Variants in TNS1 observed in about 807,000 individuals in gnomAD.
TNS1 encodes tensin-1.
TNS1 carries 62 observed loss-of-function variants against 168.6 expected under a neutral mutation model. The ratio of observed to expected loss-of-function variants is 0.37; its 90% CI spans 0.30 to 0.45. TNS1 has a LOEUF of 0.45. TNS1 is among the 20% of genes least tolerant of loss of function. The probability of loss-of-function intolerance (pLI) is 1.00; values close to 1 mark genes in which losing one functional copy is unlikely to be tolerated. For synonymous variants in TNS1, 934 were observed against 933.2 expected (o/e 1.00, Z -0.02); for missense variants, 2,240 against 2,339.4 (o/e 0.96, Z 0.88).
In TNS1 at chr2:217,803,056, A is replaced by T. The variant is rs1214463815; in HGVS notation, c.*1403T>A. On this transcript the variant is annotated 3_prime_UTR_variant, in exon 33 of 33. Transcript: ENST00000682258. ...TGGGCAGCGTGGCTCAGCTAGGGAAACCAAGGCAGAAAGGGTGACAGTGAG... is the reference window on the plus strand; with the variant it reads ...TGGGCAGCGTGGCTCAGCTAGGGAATCCAAGGCAGAAAGGGTGACAGTGAG... The T allele has an allele frequency of 6.6e-6, 1 of 152,572 alleles. No individual in the cohort carries two copies. The highest frequency in any genetic ancestry group is 2.4e-5 in the African/African-American group (1 of 41,458). The allele number at this position is 152,572 out of a possible 1,614,324, so 9.5% of individuals were successfully genotyped here.
At chr2:217,898,865 A>G (rs1239088878) in intron 7 of TNS1, among the ~76,000 whole-genome samples, 1 of 152,106 alleles carries the variant, frequency 6.6e-6, no homozygotes, top group East Asian at 1.9e-4. Context: ...AGGGTCCAGG[A>G]TGCCCACTTG....
intron 18 of TNS1, among the ~76,000 whole-genome samples, chr2:217,864,569 GA>G (rs1949088856): frequency 6.6e-6 from 1 of 152,114 alleles, no homozygotes; most frequent in Admixed American, 6.5e-5. Context: ...GATCCAACAA[GA>G]AAAAAGGAGT....
At position 217,818,341 on chromosome 2, in the gene TNS1, C is replaced by T; in HGVS notation, c.3991G>A (p.Gly1331Ser). 1 of 1,614,152 alleles carries T rather than the reference C, an allele frequency of 6.2e-7. No homozygotes were observed. Among genetic ancestry groups the T allele is most frequent in the South Asian group, 1.1e-5 (1 of 91,080 alleles). The change falls in exon 24 of 33, where the codon GGT becomes AGT. Residue 1331 changes from glycine to serine, a missense_variant. By Grantham distance (56) the Gly-to-Ser change is moderately conservative (BLOSUM62 0). Coordinates refer to ENST00000682258, the MANE Select transcript of TNS1 (RefSeq NM_001387777.1). ...MMGPPGTGFH[G>S]STVSSPQSSA... ...CTCTGGGGGCTGGAGACAGTGCTAC[C>T]ATGGAAGCCAGTGCCTGGTGGACCC...
At chr2:218,008,373 C>G (rs749325263) in intron 1 of TNS1, among the ~76,000 whole-genome samples, 1 of 152,176 alleles carries the variant, frequency 6.6e-6, no homozygotes, top group Non-Finnish European at 1.5e-5. Flanking sequence ...GAAGTGGTTC[C>G]GTCATCCTCT....
rs189257954 is a variant in TNS1 at position 217,801,733 on chromosome 2, C to T, written c.*2726G>A. 1.5e-4 allele frequency: 23 copies of T among 152,388 alleles called. No homozygotes were observed. The East Asian group carries it at 2.7e-3, about 18-fold the overall frequency. 9.4% of individuals were successfully genotyped at this position (152,388 alleles called of 1,614,324 possible). A position where few individuals can be genotyped will look rare whatever the true frequency, so the allele number is the denominator to read the frequency against. ...GTGTGTGCATGGGTGCACAGCCCGC[C>T]GTGACACAGAAGGGCTCTGGTGCAG... is the stretch of plus-strand genomic sequence containing the variant. On this transcript the variant is annotated 3_prime_UTR_variant, in exon 33 of 33. Coordinates refer to ENST00000682258, the MANE Select transcript of TNS1 (RefSeq NM_001387777.1).
chr2:217,841,526 T>C (rs1299969087), intron 19 of TNS1, among the ~76,000 whole-genome samples: 4 of 151,994 alleles, frequency 2.6e-5, no homozygotes, highest in Admixed American at 2.0e-4. Context: ...GTGGGGAAGG[T>C]ATCAGACAGG....
At chr2:218,028,144 CCT>C (rs1435603414) in intron 1 of TNS1, among the ~76,000 whole-genome samples, 4 of 152,340 alleles carry the variant, frequency 2.6e-5, no homozygotes, top group South Asian at 4.1e-4. Context: ...GCTCTTCAAA[CCT>C]CAAAAAGTCC....
intron 17 of TNS1, 196 bp downstream of exon 17, chr2:217,882,144 TTTTTTA>T: frequency 2.0e-6 from 1 of 505,856 alleles, no homozygotes; most frequent in Non-Finnish European, 3.5e-6. Flanking sequence ...CTCTGTCTGC[TTTTTTA>T]TTTTTATTAT....
intron 18 of TNS1, among the ~76,000 whole-genome samples, chr2:217,854,956 G>T: frequency 6.6e-6 from 1 of 152,320 alleles, no homozygotes; most frequent in African/African-American, 2.4e-5. Flanking sequence ...TACCCACTCA[G>T]AGCCCGGCCT....
At chr2:217,998,219 G>GTCTCTCTCTCTCTCTCTCTC (rs1173660793) in intron 1 of TNS1, among the ~76,000 whole-genome samples, 43 of 97,064 alleles carry the variant, frequency 4.4e-4, no homozygotes, top group African/African-American at 1.8e-3. Context: ...CTCTCCATCA[G>GTCTCTCTCTCTCTCTCTCTC]TGTCTCTCTC....
At chr2:218,005,632 G>A (rs184869274), upstream of TNS1, among the ~76,000 whole-genome samples, 5 of 152,284 alleles carry the variant, frequency 3.3e-5, no homozygotes, top group East Asian at 5.8e-4. Flanking sequence ...ACCCACACAC[G>A]GGCAAGGACG....
chr2:217,925,456 C>T (rs978048211), intron 3 of TNS1, among the ~76,000 whole-genome samples: 4 of 152,110 alleles, frequency 2.6e-5, no homozygotes, highest in African/African-American at 9.7e-5. Flanking sequence ...CCTAAGCTTG[C>T]CCAGCCCTCC....
chr2:218,020,848 T>A (rs567263577), intron 1 of TNS1, among the ~76,000 whole-genome samples: 2 of 152,174 alleles, frequency 1.3e-5, no homozygotes, highest in East Asian at 3.9e-4. Context: ...CCCTTGACTA[T>A]CCCTTTACTA....
chr2:217,892,931 C>A lies in TNS1; in HGVS notation c.782+17G>T. On this transcript the variant is annotated intron_variant, in intron 11 of 32. Coordinates refer to ENST00000682258, the MANE Select transcript of TNS1 (RefSeq NM_001387777.1). ...CTGTCGATGTTCAGAGGATGGGAGG[C>A]TCCAGGCCCCTCTTACCTGGCAGAA... 6.2e-7 allele frequency: 1 copy of A among 1,613,754 alleles called. No individual in the cohort carries two copies. Among genetic ancestry groups the A allele is most frequent in the Non-Finnish European group, 8.5e-7 (1 of 1,179,744 alleles).
chr2:217,885,992 T>G (rs1376547561), intron 14 of TNS1, 52 bp downstream of exon 14: 3 of 1,603,464 alleles, frequency 1.9e-6, no homozygotes, highest in Non-Finnish European at 2.6e-6. Flanking sequence ...GACCTGGTCC[T>G]TAGCCCTGGG....
At chr2:217,840,809 G>A (rs1382449724) in intron 19 of TNS1, among the ~76,000 whole-genome samples, 2 of 152,234 alleles carry the variant, frequency 1.3e-5, no homozygotes, top group Non-Finnish European at 2.9e-5. Context: ...CATTGCAAAG[G>A]CCTGCATCTC....
chr2:217,963,889 C>CAAAAAAA lies in TNS1; in HGVS notation c.186+14869_186+14875dup, dbSNP rs58953604. ...TGAAACCCCATCTCTACTAAAAATA[C>CAAAAAAA]AAAAAAAAAAAAAAAATTAGTCGGG... On this transcript the variant is annotated intron_variant, in intron 3 of 32. Transcript: ENST00000682258. Among the ~76,000 whole-genome samples the CAAAAAAA allele has an allele frequency of 2.4e-3, 300 of 126,378 alleles. 2 individuals carry two copies. The highest frequency in any genetic ancestry group is 8.1e-3 in the African/African-American group (269 of 33,404). The allele number at this position is 126,378 out of a possible 152,430, so 82.9% of individuals were successfully genotyped here.
intron 18 of TNS1, among the ~76,000 whole-genome samples, chr2:217,854,786 C>T (rs1204155301): frequency 1.3e-5 from 2 of 152,140 alleles, no homozygotes; most frequent in Non-Finnish European, 2.9e-5. Flanking sequence ...GGGCAGGCAC[C>T]AGGACAGGAG....
At chr2:217,867,706 T>C (rs531196268) in intron 18 of TNS1, among the ~76,000 whole-genome samples, 89 of 152,326 alleles carry the variant, frequency 5.8e-4, no homozygotes, top group Non-Finnish European at 1.1e-3. Flanking sequence ...TTCCCAAACA[T>C]CTCAGGTGGG....
Sources: allele counts gnomAD v4.1 joint callset (sites outside exome capture counted in the v4.1 genomes callset), GRCh38; gene constraint gnomAD v4.1.1; transcripts MANE v1.5; gene names NCBI Gene and HGNC (gene_info 2026-07-23, HGNC 2026-07-21).